The following VPS13C variants were observed in gnomAD, a reference collection of about 807,000 sequenced individuals.
The protein encoded by VPS13C is vacuolar protein sorting 13 homolog C.
A neutral mutation model predicts 456.8 loss-of-function variants in VPS13C; 358 were observed. The ratio of observed to expected loss-of-function variants is 0.78; its 90% confidence interval spans 0.72 to 0.86. The LOEUF (loss-of-function observed/expected upper bound fraction) is 0.86, where lower values mean the gene tolerates loss of function less well. Among genes scored for constraint, VPS13C ranks in the 40% least tolerant of loss-of-function variants. VPS13C has a pLI of 0.00. For synonymous variants in VPS13C, 1,578 were observed against 1,486.7 expected (o/e 1.06, Z -1.41); for missense variants, 4,818 against 4,385.4 (o/e 1.10, Z -2.79).
chr15:62,018,813 G>A (rs1334451120), intron 9 of VPS13C, among the ~76,000 whole-genome samples: 2 of 152,140 alleles, frequency 1.3e-5, no homozygotes, highest in Non-Finnish European at 1.5e-5. Flanking sequence ...AAATGAGTTA[G>A]GGAGGATTCC....
At chr15:61,966,206 A>T in intron 29 of VPS13C, 64 bp from the exon 30 acceptor site, 1 of 1,125,218 alleles carries the variant, frequency 8.9e-7, no homozygotes, top group Non-Finnish European at 1.3e-6. Flanking sequence ...TCACTTATTT[A>T]TTATCTCTGG....
intron 81 of VPS13C, chr15:61,865,335 AGAC>A (rs1894465482): frequency 1.0e-6 from 1 of 978,878 alleles, no homozygotes; most frequent in Admixed American, 6.2e-5. Flanking sequence ...TCATGAATTA[AGAC>A]GAGATAAAAA....
At chr15:61,861,959 G>C (rs1048732476) in intron 82 of VPS13C, among the ~76,000 whole-genome samples, 6 of 152,114 alleles carry the variant, frequency 3.9e-5, no homozygotes, top group African/African-American at 7.2e-5. Context: ...AATTAGCTGG[G>C]CATAGTGGTG....
chr15:62,046,392 G>A (rs138415233), intron 1 of VPS13C, among the ~76,000 whole-genome samples: 73 of 152,242 alleles, frequency 4.8e-4, no homozygotes, highest in African/African-American at 1.8e-3. Context: ...AAGTCCTTAC[G>A]TATTATATAT....
rs2043886068 is a variant in VPS13C, at chr15:61,927,319, A to G, written c.6288T>C (p.Asp2096=). The G allele has an allele frequency of 3.7e-6, 6 of 1,611,160 alleles. No individual in the cohort carries two copies. The highest frequency in any genetic ancestry group is 3.3e-4 in the Middle Eastern group (2 of 6,046). ...TATGKVKIEK[D]DSVRPNMTLK... is the part of the protein sequence containing the mutation. ...AAGTCATATTTGGTCTAACAGAGTC[A>G]TCTGAAGAAACAAGCAACAGGAACC... The change falls in exon 52 of 85, where the codon GAT becomes GAC. Residue 2096 remains aspartate (D), a splice_region_variant and synonymous_variant. Coordinates refer to ENST00000644861, the MANE Select transcript of VPS13C (RefSeq NM_020821.3).
At position 61,854,341 on chromosome 15, in the gene VPS13C, A is replaced by G; in HGVS notation, c.*116T>C. ...GAAAACCCAATACTAGCTATTCCAG[A>G]AAACTAAAACTAAAGGATTGCTTGA... On this transcript the variant is annotated 3_prime_UTR_variant, in exon 85 of 85. Transcript: ENST00000644861. 1.0e-6 allele frequency: 1 copy of G among 999,742 alleles called. No homozygotes were observed. The allele number at this position is 999,742 out of a possible 1,614,324, so 61.9% of individuals were successfully genotyped here. A position where few individuals can be genotyped will look rare whatever the true frequency, so the allele number is the denominator to read the frequency against.
chr15:61,962,555 T>C lies in VPS13C; in HGVS notation c.3436-17A>G, dbSNP rs750142088. ...TGACACAGCCTGAAAAACAGAGACT[T>C]GAATGTACTCTATCCGGGAAGGTAA... On this transcript the variant is annotated splice_polypyrimidine_tract_variant and intron_variant, in intron 33 of 84. Transcript: ENST00000644861. The C allele has an allele frequency of 5.0e-6, 8 of 1,603,836 alleles. No individual in the cohort carries two copies. In the South Asian group the frequency reaches 9.0e-5, roughly 18 times the overall value.
chr15:61,926,953 A>T, intron 52 of VPS13C, 138 bp downstream of exon 52: 1 of 759,306 alleles, frequency 1.3e-6, no homozygotes, highest in South Asian at 1.9e-5. Flanking sequence ...TTGGAATTCA[A>T]TATCTTTATA....
rs780195660 is a variant in VPS13C, at chr15:61,919,309, T to C, written c.7618A>G (p.Thr2540Ala). Residue 2540 changes from threonine to alanine, a missense_variant, in exon 58 of 85, where the codon ACC becomes GCC. This residue lies in a region of VPS13C where 4,552 missense variants were observed against 4,130.6 expected (regional missense o/e 1.10). Transcript: ENST00000644861. ...ATTACCTGTAGAGGAGAGCGAAGGG[T>C]AATTACTTTATTCCCTTCAGTTGCA... is the stretch of plus-strand genomic sequence containing the variant. ...IDATEGNKVI[T>A]LRSPLQIKNH... is the part of the protein sequence containing the mutation. The C allele has an allele frequency of 4.0e-5, 64 of 1,604,814 alleles. No homozygotes were observed. The highest frequency in any genetic ancestry group is 5.0e-5 in the Non-Finnish European group (59 of 1,176,170).
intron 66 of VPS13C, among the ~76,000 whole-genome samples, chr15:61,894,461 C>A (rs1241494278): frequency 3.3e-5 from 5 of 151,252 alleles, no homozygotes; most frequent in Non-Finnish European, 7.4e-5. Context: ...AAATATGGCC[C>A]AACTATATGT....
intron 53 of VPS13C, 27 bp downstream of exon 53, chr15:61,925,429 C>G (rs1181244918): frequency 3.7e-6 from 5 of 1,369,204 alleles, no homozygotes; most frequent in Non-Finnish European, 2.0e-6. Flanking sequence ...TAAGAATTTT[C>G]ACTCAAAGAA....
intron 45 of VPS13C, among the ~76,000 whole-genome samples, chr15:61,943,271 T>G (rs967796532): frequency 4.6e-5 from 7 of 152,114 alleles, no homozygotes; most frequent in African/African-American, 1.7e-4. Context: ...AAAACTATTC[T>G]GAAATTCATA....
chr15:61,865,674 G>A, intron 81 of VPS13C: 1 of 368,138 alleles, frequency 2.7e-6, no homozygotes, highest in Non-Finnish European at 3.8e-6. Flanking sequence ...GTATATATGT[G>A]TATATTTGTA....
intron 53 of VPS13C, among the ~76,000 whole-genome samples, chr15:61,923,747 C>G (rs999373410): frequency 1.3e-5 from 2 of 148,866 alleles, no homozygotes; most frequent in African/African-American, 5.0e-5. Context: ...GTTTTCCTAA[C>G]TTACTTGTCA....
intron 2 of VPS13C, among the ~76,000 whole-genome samples, chr15:62,041,769 G>C (rs977412222): frequency 6.6e-6 from 1 of 151,912 alleles, no homozygotes; most frequent in Non-Finnish European, 1.5e-5. Context: ...GCAGTGAGTC[G>C]GGATCGCGCC....
At chr15:62,035,626 T>C (rs556720639) in intron 3 of VPS13C, among the ~76,000 whole-genome samples, 1 of 152,098 alleles carries the variant, frequency 6.6e-6, no homozygotes, top group African/African-American at 2.4e-5. Flanking sequence ...TTTGACAGCA[T>C]ACCAAATTGT....
intron 16 of VPS13C, among the ~76,000 whole-genome samples, chr15:61,994,358 A>G (rs1234014513): frequency 2.6e-5 from 4 of 152,306 alleles, no homozygotes; most frequent in Non-Finnish European, 5.9e-5. Flanking sequence ...CCGGTGATTC[A>G]TTCCTCTCTT....
At chr15:62,033,598 C>A (rs1042144960) in intron 4 of VPS13C, 56 bp from the exon 5 acceptor site, 2 of 1,293,244 alleles carry the variant, frequency 1.5e-6, no homozygotes, top group South Asian at 1.5e-5. Flanking sequence ...AATAAACAAA[C>A]GGAAAAAGTT....
In VPS13C at chr15:61,997,994, A is replaced by G. The variant is rs184738120; in HGVS notation, c.1353+2570T>C. On this transcript the variant is annotated intron_variant, in intron 16 of 84. Transcript: ENST00000644861. ...ACAATGGCTTGTAAGATGCTACACAATCTGGCAATCTCAACTCCCACGAGC... is the reference window on the plus strand; with the variant it reads ...ACAATGGCTTGTAAGATGCTACACAGTCTGGCAATCTCAACTCCCACGAGC... Among the ~76,000 whole-genome samples, 4 of 152,202 alleles carry G rather than the reference A, an allele frequency of 2.6e-5. No homozygotes were observed. The East Asian group carries it at 7.7e-4, about 29-fold the overall frequency.
Sources: allele counts gnomAD v4.1 joint callset (sites outside exome capture counted in the v4.1 genomes callset), GRCh38; gene constraint gnomAD v4.1.1; regional missense constraint gnomAD v4.1.1; transcripts MANE v1.5; gene names NCBI Gene and HGNC (gene_info 2026-07-23, HGNC 2026-07-21).